The following ZNF462 variants were observed in gnomAD, a reference collection of about 807,000 sequenced individuals.
The protein encoded by ZNF462 is zinc finger protein 462.
In ZNF462, 10 loss-of-function variants were observed where a neutral mutation model predicts 201.9. The observed-to-expected ratio is 0.05, with a 90% CI of 0.03 to 0.08. The LOEUF is 0.08. ZNF462 is among the 10% of genes least tolerant of loss of function. ZNF462 has a pLI of 1.00. For synonymous variants in ZNF462, 1,227 were observed against 1,193.3 expected, an observed-to-expected ratio of 1.03 and a Z score of -0.58; for missense variants, 2,523 against 3,168.3, an observed-to-expected ratio of 0.80 and a Z score of 4.89.
rs531060132 is a variant in ZNF462, at chr9:106,871,724, A to G, written c.-31+8369A>G. On this transcript the variant is annotated intron_variant, in intron 1 of 12. Transcript: ENST00000277225. ...AGCCTTTCTGATAAAGGACAGATGG[A>G]AACTCAAGGGAACTGGTTAAGTAGG... Among the ~76,000 whole-genome samples, 7 of 152,312 alleles carry G rather than the reference A, an allele frequency of 4.6e-5. 1 individual carries two copies. Among genetic ancestry groups the G allele is most frequent in the African/African-American group, 1.7e-4 (7 of 41,576 alleles).
At chr9:106,955,911 C>T (rs1283015906) in intron 7 of ZNF462, among the ~76,000 whole-genome samples, 1 of 152,118 alleles carries the variant, frequency 6.6e-6, no homozygotes, top group Non-Finnish European at 1.5e-5. Flanking sequence ...TTCTGGTTCT[C>T]TTGGTGTTTG....
intron 1 of ZNF462, among the ~76,000 whole-genome samples, chr9:106,907,796 A>T (rs1588034935): frequency 6.6e-6 from 1 of 151,632 alleles, no homozygotes; most frequent in East Asian, 1.9e-4. Context: ...CCTGTACTTG[A>T]GTTAGATGTT....
In ZNF462 at chr9:106,950,581, A is replaced by G. The variant is rs1454825293; in HGVS notation, c.6427+11474A>G. 1.3e-5 allele frequency among the ~76,000 whole-genome samples: 2 copies of G among 152,224 alleles called. No homozygotes were observed. Among genetic ancestry groups the G allele is most frequent in the East Asian group, 3.8e-4 (2 of 5,200 alleles). The stretch of plus-strand genomic sequence containing the variant: ...CAAGAGTAATGCCATCAATATGTCT[A>G]TTAGAAGAAACATAATAATTGTCAT... On this transcript the variant is annotated intron_variant, in intron 7 of 12. Transcript: ENST00000277225. The surrounding 1 kb of genome is among the most constrained non-coding windows in gnomAD (Gnocchi z 4.1).
At chr9:106,964,008 C>CATGTGT (rs1831958911) in intron 7 of ZNF462, among the ~76,000 whole-genome samples, 1 of 146,648 alleles carries the variant, frequency 6.8e-6, no homozygotes, top group African/African-American at 2.5e-5. Context: ...AAATAATATT[C>CATGTGT]GTGTGTGTGT....
Position 106,972,340 on chromosome 9 carries a change from T to C in ZNF462, c.6695+68T>C, listed in dbSNP as rs1205869579. ...CCCTGCTCCACCCCTCACTGCAGGC[T>C]TCCCTTACACTTTCCTACTTGGAGC... On this transcript the variant is annotated intron_variant, in intron 8 of 12. Coordinates refer to ENST00000277225, the MANE Select transcript of ZNF462 (RefSeq NM_021224.6). This position sits in a 1 kb window ranked among gnomAD's most constrained non-coding sequence, Gnocchi z 4.8. The C allele has an allele frequency of 3.2e-6, 5 of 1,554,570 alleles. No homozygotes were observed. The Admixed American group carries it at 9.1e-5, about 28-fold the overall frequency.
At chr9:106,864,227 G>C (rs970410105) in intron 1 of ZNF462, among the ~76,000 whole-genome samples, 8 of 151,910 alleles carry the variant, frequency 5.3e-5, no homozygotes, top group African/African-American at 1.9e-4. Flanking sequence ...CCGGCCGGGT[G>C]GGGGGCGCAG....
At chr9:106,949,750 C>T (rs189642049) in intron 7 of ZNF462, among the ~76,000 whole-genome samples, 7 of 152,320 alleles carry the variant, frequency 4.6e-5, no homozygotes, top group Non-Finnish European at 1.0e-4. Flanking sequence ...AACTCAGTGA[C>T]TGGCTCACAG....
chr9:106,884,091 C>G (rs538367146), intron 1 of ZNF462, among the ~76,000 whole-genome samples: 7 of 152,258 alleles, frequency 4.6e-5, no homozygotes, highest in African/African-American at 1.7e-4. Flanking sequence ...GATTCCTAAA[C>G]CAGGCTGATC....
chr9:106,906,744 C>T (rs1829290791), intron 1 of ZNF462, among the ~76,000 whole-genome samples: 1 of 152,152 alleles, frequency 6.6e-6, no homozygotes, highest in East Asian at 1.9e-4. Flanking sequence ...AAATGTTTAA[C>T]GTGTTGAAAT....
At chr9:106,969,146 C>T (rs1400118736) in intron 7 of ZNF462, among the ~76,000 whole-genome samples, 5 of 152,084 alleles carry the variant, frequency 3.3e-5, no homozygotes, top group Non-Finnish European at 5.9e-5. Flanking sequence ...AAAGTTGTAA[C>T]CTGGGCATTA....
At chr9:106,873,437 GTGT>G (rs1227716535) in intron 1 of ZNF462, among the ~76,000 whole-genome samples, 1 of 151,866 alleles carries the variant, frequency 6.6e-6, no homozygotes, top group Non-Finnish European at 1.5e-5. Context: ...TGTAGAAAAG[GTGT>G]TGTACTTTTT....
intron 1 of ZNF462, among the ~76,000 whole-genome samples, chr9:106,915,988 T>G (rs1829756967): frequency 6.6e-6 from 1 of 152,100 alleles, no homozygotes; most frequent in Non-Finnish European, 1.5e-5. Context: ...AGCAAGTGAA[T>G]TGTCTGAATT....
At chr9:106,998,236 G>T (rs1004421683) in intron 10 of ZNF462, among the ~76,000 whole-genome samples, 1 of 152,250 alleles carries the variant, frequency 6.6e-6, no homozygotes, top group East Asian at 1.9e-4. Context: ...AAAAATTCTG[G>T]AAACATTAAG....
intron 5 of ZNF462, among the ~76,000 whole-genome samples, chr9:106,934,682 G>A (rs1564115738): frequency 6.6e-6 from 1 of 152,204 alleles, no homozygotes; most frequent in African/African-American, 2.4e-5. Context: ...ATGGTAAGCA[G>A]TACCGTTCCC....
In ZNF462 at chr9:106,984,261, A is replaced by C; in HGVS notation, c.6908A>C (p.Asp2303Ala). The C allele has an allele frequency of 6.2e-7, 1 of 1,614,122 alleles. No homozygotes were observed. The highest frequency in any genetic ancestry group is 8.5e-7 in the Non-Finnish European group (1 of 1,179,980). Residue 2303 changes from aspartate to alanine, a missense_variant, in exon 10 of 13, where the codon GAT becomes GCT. Transcript: ENST00000277225. This position sits in a 1 kb window ranked among gnomAD's most constrained non-coding sequence, Gnocchi z 6.4. The part of the protein sequence containing the change: ...KYLQGVVFRC[D>A]KCTFTCSSDE... ...TTGCAGGGAGTAGTTTTCCGCTGTG[A>C]TAAGTGTACCTTCACCTGCTCCAGT... is the stretch of plus-strand genomic sequence containing the variant.
chr9:106,926,160 G>A lies in ZNF462; in HGVS notation c.2248G>A (p.Glu750Lys). 6.2e-7 allele frequency: 1 copy of A among 1,614,198 alleles called. No individual in the cohort carries two copies. Among genetic ancestry groups the A allele is most frequent in the South Asian group, 1.1e-5 (1 of 91,078 alleles). Reference protein sequence around the residue: ...REEEPTEPIIEVPTSFSAQQI... With the variant: ...REEEPTEPIIKVPTSFSAQQI... The stretch of plus-strand genomic sequence containing the variant: ...GGAAGAACCGACAGAACCCATCATA[G>A]AGGTTCCCACTTCCTTTTCTGCCCA... Residue 750 changes from glutamate (E) to lysine (K), a missense_variant, in exon 3 of 13, where the codon GAG (glutamate) becomes AAG (lysine). By Grantham distance (56) the Glu-to-Lys change is moderately conservative. Transcript: ENST00000277225. This position sits in a 1 kb window ranked among gnomAD's most constrained non-coding sequence, Gnocchi z 7.9.
chr9:106,987,192 G>T (rs1827915339), intron 10 of ZNF462, among the ~76,000 whole-genome samples: 1 of 152,096 alleles, frequency 6.6e-6, no homozygotes, highest in African/African-American at 2.4e-5. Flanking sequence ...AGTGGAATTG[G>T]TGGATCAAAT....
At position 106,876,960 on chromosome 9, in the gene ZNF462, C is replaced by T. The variant is rs1391964539; in HGVS notation, c.-31+13605C>T. The stretch of plus-strand genomic sequence containing the variant: ...TAGAAATGCTTTGGTTTTCTCTGTG[C>T]AAATGTTTATTTCAATAGTCCACAT... On this transcript the variant is annotated intron_variant, in intron 1 of 12. Coordinates refer to ENST00000277225, the MANE Select transcript of ZNF462 (RefSeq NM_021224.6). The surrounding 1 kb of genome is among the most constrained non-coding windows in gnomAD (Gnocchi z 4.9). 6.6e-6 allele frequency among the ~76,000 whole-genome samples: 1 copy of T among 152,126 alleles called. No individual in the cohort carries two copies. Among genetic ancestry groups the T allele is most frequent in the Non-Finnish European group, 1.5e-5 (1 of 68,028 alleles).
At chr9:106,941,954 A>G (rs1195904603) in intron 7 of ZNF462, among the ~76,000 whole-genome samples, 1 of 152,144 alleles carries the variant, frequency 6.6e-6, no homozygotes, top group Non-Finnish European at 1.5e-5. Flanking sequence ...TGGTGTTTGA[A>G]ACACTCATGT....
Sources: allele counts gnomAD v4.1 joint callset (sites outside exome capture counted in the v4.1 genomes callset), GRCh38; gene constraint gnomAD v4.1.1; non-coding constraint Gnocchi (gnomAD v3.1); transcripts MANE v1.5; gene names NCBI Gene and HGNC (gene_info 2026-07-23, HGNC 2026-07-21).